The following CCDC171 variants were observed in gnomAD, a reference collection of about 807,000 sequenced individuals.
CCDC171 encodes coiled-coil domain containing 171.
CCDC171 carries 177 observed loss-of-function variants against 168.2 expected under a neutral mutation model. The ratio of observed to expected loss-of-function variants is 1.05; its 90% CI spans 0.93 to 1.19. The LOEUF (loss-of-function observed/expected upper bound fraction) is 1.19, where lower values mean the gene tolerates loss of function less well. CCDC171 is among the 50% of genes most tolerant of loss of function. CCDC171 has a pLI of 0.00. For missense variants in CCDC171, 1,991 were observed against 1,539.0 expected (o/e 1.29, Z -4.91); for synonymous variants, 687 against 540.8 (o/e 1.27, Z -3.75).
intron 3 of CCDC171, among the ~76,000 whole-genome samples, chr9:16,001,204 T>C (rs750235830): frequency 3.7e-4 from 56 of 152,324 alleles, no homozygotes; most frequent in Non-Finnish European, 7.3e-4. Context: ...TTGTAGGATA[T>C]GCTGCCCAGT....
intron 25 of CCDC171, among the ~76,000 whole-genome samples, chr9:15,961,128 A>G (rs1225680108): frequency 6.6e-6 from 1 of 152,206 alleles, no homozygotes; most frequent in Admixed American, 6.5e-5. Context: ...ATTTCTTTCA[A>G]ACTACTTTAA....
chr9:15,675,391 A>G (rs1280717520), intron 9 of CCDC171, among the ~76,000 whole-genome samples: 1 of 151,960 alleles, frequency 6.6e-6, no homozygotes, highest in Non-Finnish European at 1.5e-5. Context: ...TAATACTGTT[A>G]TGTGTGAATC....
the CCDC171 span, among the ~76,000 whole-genome samples, chr9:16,080,674 A>G: frequency 6.6e-6 from 1 of 152,176 alleles, no homozygotes; most frequent in African/African-American, 2.4e-5. Context: ...GAGAAAGGAA[A>G]GCTAAATCAG....
At chr9:15,771,851 C>A (rs775963581) in intron 18 of CCDC171, among the ~76,000 whole-genome samples, 1 of 151,864 alleles carries the variant, frequency 6.6e-6, no homozygotes, top group Non-Finnish European at 1.5e-5. Context: ...GGGGGACGGG[C>A]GGGGCAGAGG....
intron 25 of CCDC171, among the ~76,000 whole-genome samples, chr9:15,970,419 A>T (rs1420963840): frequency 6.6e-6 from 1 of 151,982 alleles, no homozygotes; most frequent in Non-Finnish European, 1.5e-5. Flanking sequence ...AAAACCCTGC[A>T]ATATAGAGTA....
chr9:16,069,654 G>A, the CCDC171 span, among the ~76,000 whole-genome samples: 1 of 152,264 alleles, frequency 6.6e-6, no homozygotes, highest in Non-Finnish European at 1.5e-5. Context: ...AAGGGTATTT[G>A]GGGAGCTGAG....
At chr9:15,594,197 TA>T in intron 6 of CCDC171, 25 bp downstream of exon 6, 1 of 1,175,860 alleles carries the variant, frequency 8.5e-7, no homozygotes, top group Non-Finnish European at 1.2e-6. Context: ...ATCAGTTCCT[TA>T]AATATATATT....
At chr9:16,091,732 A>T in the CCDC171 span, among the ~76,000 whole-genome samples, 1 of 152,156 alleles carries the variant, frequency 6.6e-6, no homozygotes, top group East Asian at 1.9e-4. Flanking sequence ...CCTGGAGTCT[A>T]CCTCCAGGTG....
chr9:15,975,958 G>C (rs1831608108), downstream of CCDC171, among the ~76,000 whole-genome samples: 1 of 152,154 alleles, frequency 6.6e-6, no homozygotes, highest in South Asian at 2.1e-4. Context: ...AGAGAGGGAG[G>C]TGCAGGGGTT....
At chr9:16,095,916 G>C in the CCDC171 span, among the ~76,000 whole-genome samples, 1 of 127,706 alleles carries the variant, frequency 7.8e-6, no homozygotes, top group African/African-American at 2.9e-5. Context: ...TCCAACATAT[G>C]ATATATGATA....
intron 12 of CCDC171, 60 bp downstream of exon 12, chr9:15,721,935 C>A: frequency 1.3e-6 from 1 of 768,608 alleles, no homozygotes; most frequent in South Asian, 3.8e-5. Context: ...AGTACGTATT[C>A]CTTGCTTGTT....
intron 24 of CCDC171, among the ~76,000 whole-genome samples, chr9:15,879,572 T>G (rs1206483502): frequency 6.6e-6 from 1 of 152,150 alleles, no homozygotes; most frequent in Non-Finnish European, 1.5e-5. Context: ...TTAACCAACT[T>G]CTCTTGGGCC....
At chr9:16,107,639 T>C in the CCDC171 span, among the ~76,000 whole-genome samples, 2 of 152,280 alleles carry the variant, frequency 1.3e-5, no homozygotes, top group African/African-American at 2.4e-5. Flanking sequence ...TATATATACA[T>C]GTAAGTGTTT....
At chr9:15,630,345 T>C (rs570076438) in intron 7 of CCDC171, among the ~76,000 whole-genome samples, 236 of 151,430 alleles carry the variant, frequency 1.6e-3, no homozygotes, top group Non-Finnish European at 1.2e-3. Flanking sequence ...ACCAAGCAAA[T>C]GGAAAATAAA....
At chr9:16,065,917 G>C (rs777538748), downstream of CCDC171, among the ~76,000 whole-genome samples, 3 of 151,958 alleles carry the variant, frequency 2.0e-5, no homozygotes, top group Non-Finnish European at 4.4e-5. Context: ...GAATCCAGGA[G>C]GCCGTCAAAG....
rs563581205 is a variant in CCDC171, at chr9:15,793,335, A to T, written c.3267+8641A>T. Among the ~76,000 whole-genome samples the T allele has an allele frequency of 3.3e-5, 5 of 152,122 alleles. No homozygotes were observed. The East Asian group carries it at 9.7e-4, about 29-fold the overall frequency. ...CCAGATTCATAAAGCAAGTCCTTAG[A>T]GACCTACAAAGAGACTTAGACTCCC... On this transcript the variant is annotated intron_variant, in intron 21 of 25. Coordinates refer to ENST00000380701, the MANE Select transcript of CCDC171 (RefSeq NM_173550.4).
At chr9:15,949,329 T>A (rs577916528) in intron 25 of CCDC171, among the ~76,000 whole-genome samples, 1 of 152,158 alleles carries the variant, frequency 6.6e-6, no homozygotes, top group Non-Finnish European at 1.5e-5. Context: ...CCATATGAAC[T>A]TTAAAGTAGT....
chr9:15,753,619 C>G (rs939365801), intron 18 of CCDC171, among the ~76,000 whole-genome samples: 1 of 152,018 alleles, frequency 6.6e-6, no homozygotes, highest in African/African-American at 2.4e-5. Flanking sequence ...TAAGATTTAT[C>G]AAGTAGAAGG....
At chr9:15,710,630 C>T (rs1253963493) in intron 11 of CCDC171, among the ~76,000 whole-genome samples, 1 of 151,006 alleles carries the variant, frequency 6.6e-6, no homozygotes, top group Non-Finnish European at 1.5e-5. Flanking sequence ...TGGAGTCTCA[C>T]TCTTCTCCAG....
Sources: allele counts gnomAD v4.1 joint callset (sites outside exome capture counted in the v4.1 genomes callset), GRCh38; gene constraint gnomAD v4.1.1; transcripts MANE v1.5; gene names NCBI Gene and HGNC (gene_info 2026-07-23, HGNC 2026-07-21).